SUGCT: variants seen among roughly 807,000 people sequenced by gnomAD.
SUGCT encodes the protein succinyl-CoA:glutarate-CoA transferase.
In SUGCT, 41 loss-of-function variants were observed where a neutral mutation model predicts 55.0. The ratio of observed to expected loss-of-function variants is 0.74; its 90% CI spans 0.58 to 0.97. The LOEUF is 0.97. SUGCT is among the 50% of genes least tolerant of loss of function. The probability of loss-of-function intolerance (pLI) is 0.00; values close to 1 mark genes in which losing one functional copy is unlikely to be tolerated. For synonymous variants in SUGCT, 187 were observed against 200.4 expected, an observed-to-expected ratio of 0.93 and a Z score of 0.56; for missense variants, 568 against 547.8, an observed-to-expected ratio of 1.04 and a Z score of -0.37.
the SUGCT span, among the ~76,000 whole-genome samples, chr7:40,923,185 A>G: frequency 6.6e-6 from 1 of 152,168 alleles, no homozygotes; most frequent in Admixed American, 6.5e-5. Context: ...CCCTGTGGAG[A>G]TTTTGTATAG....
intron 12 of SUGCT, among the ~76,000 whole-genome samples, chr7:40,524,441 A>G (rs1433499552): frequency 6.6e-6 from 1 of 152,078 alleles, no homozygotes; most frequent in African/African-American, 2.4e-5. Context: ...CTTTATTCTC[A>G]TCCATCTTGC....
chr7:41,015,649 A>G, the SUGCT span, among the ~76,000 whole-genome samples: 1 of 152,182 alleles, frequency 6.6e-6, no homozygotes, highest in Admixed American at 6.5e-5. Context: ...GCATCAGGCT[A>G]TTTGTAGTCA....
intron 1 of SUGCT, among the ~76,000 whole-genome samples, chr7:40,137,082 G>A (rs1248481641): frequency 6.6e-6 from 1 of 152,068 alleles, no homozygotes; most frequent in Admixed American, 6.6e-5. Flanking sequence ...GTCTACTCAG[G>A]GGAGGGGGCA....
At chr7:40,604,225 C>A (rs1353252981) in intron 12 of SUGCT, among the ~76,000 whole-genome samples, 1 of 152,170 alleles carries the variant, frequency 6.6e-6, no homozygotes, top group Non-Finnish European at 1.5e-5. Context: ...TCCCTCTTAA[C>A]AAGTTTCATG....
chr7:40,273,877 C>A (rs554149083), intron 7 of SUGCT, among the ~76,000 whole-genome samples: 3 of 151,998 alleles, frequency 2.0e-5, no homozygotes, highest in African/African-American at 7.2e-5. Context: ...AAGCTCATGC[C>A]CTGTGCCCAG....
chr7:40,479,923 C>T (rs1208720907), intron 11 of SUGCT, among the ~76,000 whole-genome samples: 1 of 152,014 alleles, frequency 6.6e-6, no homozygotes, highest in African/African-American at 2.4e-5. Context: ...GGAAGATTAT[C>T]CCTTAAATAT....
chr7:40,562,832 C>T (rs1230108245), intron 12 of SUGCT, among the ~76,000 whole-genome samples: 1 of 152,126 alleles, frequency 6.6e-6, no homozygotes, highest in Non-Finnish European at 1.5e-5. Flanking sequence ...GCCACACCAT[C>T]CATTGTTAAG....
At chr7:40,282,607 G>A (rs1326944768) in intron 8 of SUGCT, among the ~76,000 whole-genome samples, 1 of 152,078 alleles carries the variant, frequency 6.6e-6, no homozygotes, top group East Asian at 1.9e-4. Flanking sequence ...ATGGATTAAA[G>A]GGGCCAGTGC....
intron 13 of SUGCT, among the ~76,000 whole-genome samples, chr7:40,821,549 C>T (rs933637324): frequency 1.3e-4 from 20 of 152,092 alleles, no homozygotes; most frequent in African/African-American, 4.3e-4. Flanking sequence ...AGTTTATTTG[C>T]GTAGAGGTGT....
chr7:40,597,090 A>G (rs760653660), intron 12 of SUGCT, among the ~76,000 whole-genome samples: 1 of 152,196 alleles, frequency 6.6e-6, no homozygotes, highest in Non-Finnish European at 1.5e-5. Flanking sequence ...GTTATACAGC[A>G]AGTAGGTAAG....
chr7:40,147,747 G>C (rs1046382713), intron 1 of SUGCT, among the ~76,000 whole-genome samples: 1 of 152,214 alleles, frequency 6.6e-6, no homozygotes, highest in African/African-American at 2.4e-5. Context: ...CCACAAGGGG[G>C]CGGGGCGGAC....
intron 9 of SUGCT, among the ~76,000 whole-genome samples, chr7:40,348,121 G>A (rs925062760): frequency 6.6e-6 from 1 of 152,242 alleles, no homozygotes; most frequent in Admixed American, 6.5e-5. Flanking sequence ...CACGGGGGTT[G>A]CGGGGAGACA....
chr7:40,384,254 G>A (rs970335678), intron 9 of SUGCT, among the ~76,000 whole-genome samples: 1 of 152,184 alleles, frequency 6.6e-6, no homozygotes, highest in African/African-American at 2.4e-5. Flanking sequence ...AAGCTGCTCT[G>A]TGGGGTGCTG....
chr7:40,792,901 G>C (rs112780282), intron 13 of SUGCT, among the ~76,000 whole-genome samples: 169 of 152,102 alleles, frequency 1.1e-3, no homozygotes, highest in African/African-American at 3.8e-3. Context: ...GCTTAGGAAG[G>C]CTTTTAAAAG....
chr7:40,392,053 A>G (rs1785463464), intron 9 of SUGCT, among the ~76,000 whole-genome samples: 1 of 152,226 alleles, frequency 6.6e-6, no homozygotes, highest in African/African-American at 2.4e-5. Flanking sequence ...CAAAGACTGC[A>G]TGTTATCACT....
intron 9 of SUGCT, among the ~76,000 whole-genome samples, chr7:40,440,360 A>G (rs761161183): frequency 6.6e-6 from 1 of 151,478 alleles, no homozygotes; most frequent in East Asian, 2.0e-4. Flanking sequence ...GGGTTTCGCT[A>G]ATGTTGGCCA....
intron 13 of SUGCT, among the ~76,000 whole-genome samples, chr7:40,778,006 G>A (rs903055697): frequency 6.6e-6 from 1 of 152,022 alleles, no homozygotes; most frequent in Non-Finnish European, 1.5e-5. Context: ...CCCCAGCAAC[G>A]CCTCCCACCA....
rs565305004 is a variant in SUGCT at position 40,407,471 on chromosome 7, T to TA, written c.817-41808dup. Among the ~76,000 whole-genome samples the TA allele has an allele frequency of 1.2e-3, 186 of 151,686 alleles. 1 individual carries two copies. Among genetic ancestry groups the TA allele is most frequent in the African/African-American group, 4.3e-3 (177 of 41,426 alleles). Reference sequence around the variant, plus strand: ...ATATTATATTAAAACTGGCAAAAATTAAAAAAAAGAAGTACGTCATCATTT... The same window carrying TA: ...ATATTATATTAAAACTGGCAAAAATTAAAAAAAAAGAAGTACGTCATCATTT... On this transcript the variant is annotated intron_variant, in intron 9 of 13. Coordinates refer to ENST00000335693, the MANE Select transcript of SUGCT (RefSeq NM_001193313.2).
chr7:40,793,733 G>C (rs1433678908), intron 13 of SUGCT, among the ~76,000 whole-genome samples: 1 of 152,020 alleles, frequency 6.6e-6, no homozygotes, highest in Non-Finnish European at 1.5e-5. Flanking sequence ...TTCAAATGTT[G>C]ATAGTCTCTT....
Sources: allele counts gnomAD v4.1 joint callset (sites outside exome capture counted in the v4.1 genomes callset), GRCh38; gene constraint gnomAD v4.1.1; transcripts MANE v1.5; gene names NCBI Gene and HGNC (gene_info 2026-07-23, HGNC 2026-07-21).